BCR: variants seen among roughly 807,000 people sequenced by gnomAD.
BCR encodes the protein BCR activator of RhoGEF and GTPase.
A neutral mutation model predicts 138.6 loss-of-function variants in BCR; 58 were observed. The ratio of observed to expected loss-of-function variants is 0.42; its 90% CI spans 0.34 to 0.52. BCR has a LOEUF of 0.52. BCR is among the 20% of genes least tolerant of loss of function. The pLI is 0.06. For synonymous variants in BCR, 786 were observed against 730.1 expected, an observed-to-expected ratio of 1.08 and a Z score of -1.23; for missense variants, 1,599 against 1,727.2, an observed-to-expected ratio of 0.93 and a Z score of 1.32.
At chr22:23,202,527 C>T (rs949135843) in intron 1 of BCR, among the ~76,000 whole-genome samples, 8 of 152,122 alleles carry the variant, frequency 5.3e-5, no homozygotes, top group African/African-American at 1.9e-4. Flanking sequence ...CTTCTTCCCC[C>T]ACGCCCAGTC....
chr22:23,210,669 C>T (rs115161336), intron 1 of BCR, among the ~76,000 whole-genome samples: 285 of 152,322 alleles, frequency 1.9e-3, no homozygotes, highest in African/African-American at 6.6e-3. Context: ...CAGCCCACGA[C>T]ACCACTGATG....
chr22:23,210,548 G>C (rs188228704), intron 1 of BCR, among the ~76,000 whole-genome samples: 144 of 152,250 alleles, frequency 9.5e-4, no homozygotes, highest in Non-Finnish European at 1.8e-3. Context: ...ATACTGTTCT[G>C]TGAGGTGTGA....
intron 5 of BCR, among the ~76,000 whole-genome samples, chr22:23,269,260 G>A (rs2073481751): frequency 6.6e-6 from 1 of 152,236 alleles, no homozygotes. Context: ...TCCAGCCTGT[G>A]TCTGCCTGGT....
At chr22:23,278,327 G>T (rs1348284121) in intron 8 of BCR, among the ~76,000 whole-genome samples, 1 of 152,206 alleles carries the variant, frequency 6.6e-6, no homozygotes, top group African/African-American at 2.4e-5. Flanking sequence ...AACAGGAGCT[G>T]CAGGAAGGCC....
intron 8 of BCR, among the ~76,000 whole-genome samples, chr22:23,279,262 C>T (rs948792292): frequency 9.2e-5 from 14 of 152,338 alleles, no homozygotes; most frequent in Non-Finnish European, 1.6e-4. Context: ...GAAACTTTCT[C>T]GGCCAGATTG....
intron 1 of BCR, chr22:23,199,334 C>T (rs145366148): frequency 1.5e-4 from 79 of 518,220 alleles, no homozygotes; most frequent in African/African-American, 1.2e-3. Flanking sequence ...TGTGTCATCT[C>T]CTGGCTTCCC....
chr22:23,188,040 G>A (rs560567451), intron 1 of BCR, among the ~76,000 whole-genome samples: 39 of 152,330 alleles, frequency 2.6e-4, no homozygotes, highest in African/African-American at 9.4e-4. Flanking sequence ...GTTTGAGTGA[G>A]TAACTGTGGG....
chr22:23,223,405 G>A (rs2072851264), intron 1 of BCR, among the ~76,000 whole-genome samples: 1 of 152,186 alleles, frequency 6.6e-6, no homozygotes, highest in Non-Finnish European at 1.5e-5. Flanking sequence ...AGGAGCAGGG[G>A]CCTTGAGGCT....
intron 1 of BCR, among the ~76,000 whole-genome samples, chr22:23,249,193 G>C (rs1319523883): frequency 6.6e-6 from 1 of 152,088 alleles, no homozygotes; most frequent in Non-Finnish European, 1.5e-5. Context: ...ACTTTGGGAG[G>C]CCAAGGTGGG....
intron 1 of BCR, among the ~76,000 whole-genome samples, chr22:23,195,774 G>A (rs2146204504): frequency 6.6e-6 from 1 of 152,236 alleles, no homozygotes; most frequent in Middle Eastern, 3.4e-3. Flanking sequence ...TGTAATCCCA[G>A]CTACTCGGGA....
intron 1 of BCR, among the ~76,000 whole-genome samples, chr22:23,204,924 C>T (rs532003535): frequency 3.9e-5 from 6 of 152,206 alleles, no homozygotes; most frequent in African/African-American, 7.2e-5. Flanking sequence ...AGCACAGCCC[C>T]GCTTGGTCAG....
chr22:23,180,794 T>A lies in BCR; in HGVS notation c.-167T>A, dbSNP rs529512434. 2.7e-5 allele frequency: 6 copies of A among 223,272 alleles called. No individual in the cohort carries two copies. The highest frequency in any genetic ancestry group is 6.9e-5 in the Admixed American group (1 of 14,528). 13.8% of individuals were successfully genotyped at this position (223,272 alleles called of 1,614,324 possible). A position where few individuals can be genotyped will look rare whatever the true frequency, so the allele number is the denominator to read the frequency against. Reference sequence around the variant, plus strand: ...CCGCCCCGCGCGCCGAGCGCCCCGCTCCGCCTCACCTGCCACCAGGGAGTG... The same window carrying A: ...CCGCCCCGCGCGCCGAGCGCCCCGCACCGCCTCACCTGCCACCAGGGAGTG... On this transcript the variant is annotated 5_prime_UTR_variant, in exon 1 of 23. Coordinates refer to ENST00000305877, the MANE Select transcript of BCR (RefSeq NM_004327.4).
rs1472081863 is a variant in BCR, at chr22:23,194,479, C to T, written c.1279+12240C>T. 4.6e-5 allele frequency among the ~76,000 whole-genome samples: 7 copies of T among 151,246 alleles called. No homozygotes were observed. The East Asian group carries it at 9.8e-4, about 21-fold the overall frequency. On this transcript the variant is annotated intron_variant, in intron 1 of 22. Coordinates refer to ENST00000305877, the MANE Select transcript of BCR (RefSeq NM_004327.4). ...AGGCTGGAGTGCAGTGGAGCAATCT[C>T]GGCTCACTGCAAACTCCGCCTCCCA... is the stretch of plus-strand genomic sequence containing the variant.
At chr22:23,305,818 G>A (rs2073949415) in intron 16 of BCR, among the ~76,000 whole-genome samples, 1 of 152,184 alleles carries the variant, frequency 6.6e-6, no homozygotes, top group South Asian at 2.1e-4. Flanking sequence ...CAGGCAGCAG[G>A]CATGTTCCTC....
rs939938691 is a variant in BCR at position 23,186,767 on chromosome 22, C to T, written c.1279+4528C>T. On this transcript the variant is annotated intron_variant, in intron 1 of 22. Transcript: ENST00000305877. The stretch of plus-strand genomic sequence containing the variant: ...TTCACTCTAGGCTGGAGTGCAGTGG[C>T]GTGATCTCTGCTTACTGCAGCCTCT... Among the ~76,000 whole-genome samples the T allele has an allele frequency of 2.6e-5, 4 of 152,022 alleles. 1 individual carries two copies. The highest frequency in any genetic ancestry group is 4.1e-4 in the South Asian group (2 of 4,830).
At chr22:23,302,947 C>G (rs1009083768) in intron 16 of BCR, 3 of 152,110 alleles carry the variant, frequency 2.0e-5, no homozygotes, top group Admixed American at 6.5e-5. Flanking sequence ...TCACAAACGA[C>G]AGATAAGGAT....
intron 4 of BCR, among the ~76,000 whole-genome samples, chr22:23,267,744 A>C (rs1472225671): frequency 1.3e-5 from 2 of 152,092 alleles, no homozygotes; most frequent in African/African-American, 4.8e-5. Context: ...TGCTGAATCG[A>C]GTGTGTGTCT....
intron 15 of BCR, among the ~76,000 whole-genome samples, chr22:23,293,766 T>TGGACTTGGG (rs2146310736): frequency 6.6e-6 from 1 of 152,278 alleles, no homozygotes; most frequent in South Asian, 2.1e-4. Flanking sequence ...CATGAAGATC[T>TGGACTTGGG]GGACTTGGGG....
intron 1 of BCR, among the ~76,000 whole-genome samples, chr22:23,218,414 T>C (rs2146228027): frequency 6.6e-6 from 1 of 152,276 alleles, no homozygotes; most frequent in East Asian, 1.9e-4. Context: ...GAACCCCCAT[T>C]ATGTAAGGCA....
Sources: allele counts gnomAD v4.1 joint callset (sites outside exome capture counted in the v4.1 genomes callset), GRCh38; gene constraint gnomAD v4.1.1; transcripts MANE v1.5; gene names NCBI Gene and HGNC (gene_info 2026-07-23, HGNC 2026-07-21).